EXOC4: variants seen among roughly 807,000 people sequenced by gnomAD.
EXOC4 encodes exocyst complex component 4, also known as SEC8-like 1.
A neutral mutation model predicts 107.2 loss-of-function variants in EXOC4; 71 were observed. The observed-to-expected ratio is 0.66, with a 90% CI of 0.55 to 0.81. The LOEUF (loss-of-function observed/expected upper bound fraction) is 0.81. Ranked by LOEUF, EXOC4 falls within the 30% of genes least tolerant of loss-of-function variation. The pLI, the probability that EXOC4 is intolerant of heterozygous loss-of-function variation, is 0.00. For synonymous variants in EXOC4, 456 were observed against 441.2 expected (o/e 1.03, Z -0.42); for missense variants, 1,108 against 1,189.6 (o/e 0.93, Z 1.01).
chr7:133,583,667 GA>G (rs1288053180), intron 9 of EXOC4, among the ~76,000 whole-genome samples: 3 of 152,082 alleles, frequency 2.0e-5, no homozygotes, highest in Admixed American at 1.3e-4. Context: ...ATGTCTAGGA[GA>G]AAAAAAAGTG....
intron 11 of EXOC4, among the ~76,000 whole-genome samples, chr7:133,887,282 C>T (rs1169417572): frequency 2.0e-5 from 3 of 152,138 alleles, no homozygotes; most frequent in Admixed American, 1.3e-4. Context: ...TAAAATCCCT[C>T]ATATATATGA....
At chr7:133,484,407 T>G (rs1584952317) in intron 9 of EXOC4, among the ~76,000 whole-genome samples, 1 of 152,222 alleles carries the variant, frequency 6.6e-6, no homozygotes, top group East Asian at 1.9e-4. Context: ...CGCTTCATTG[T>G]ACTTAGCAGT....
chr7:133,724,563 T>C (rs762707766), intron 10 of EXOC4, among the ~76,000 whole-genome samples: 2 of 152,224 alleles, frequency 1.3e-5, no homozygotes, highest in African/African-American at 2.4e-5. Flanking sequence ...ATTTTGTTCT[T>C]TTGGAACTTG....
chr7:134,044,121 G>C (rs1019128142), intron 17 of EXOC4, among the ~76,000 whole-genome samples: 1 of 152,190 alleles, frequency 6.6e-6, no homozygotes, highest in African/African-American at 2.4e-5. Context: ...GTGGAGAAGA[G>C]CTCAAAGGAG....
At chr7:133,696,867 A>T (rs1439045967) in intron 10 of EXOC4, among the ~76,000 whole-genome samples, 1 of 152,220 alleles carries the variant, frequency 6.6e-6, no homozygotes, top group Non-Finnish European at 1.5e-5. Context: ...TCCCTGGAAC[A>T]TTATTAGTGT....
intron 10 of EXOC4, among the ~76,000 whole-genome samples, chr7:133,646,850 A>G (rs1359280935): frequency 6.6e-6 from 1 of 152,154 alleles, no homozygotes; most frequent in Non-Finnish European, 1.5e-5. Context: ...ATATATTAGC[A>G]TATCCTAAGA....
chr7:133,388,856 A>T (rs982242848), intron 7 of EXOC4, among the ~76,000 whole-genome samples: 1 of 152,124 alleles, frequency 6.6e-6, no homozygotes, highest in Non-Finnish European at 1.5e-5. Context: ...TTTTATTTTT[A>T]TCCCTTGAAA....
chr7:133,400,649 C>A (rs1359894760), intron 7 of EXOC4, among the ~76,000 whole-genome samples: 1 of 152,186 alleles, frequency 6.6e-6, no homozygotes, highest in African/African-American at 2.4e-5. Context: ...AGCCACATCT[C>A]TTTGAAGAAG....
intron 11 of EXOC4, among the ~76,000 whole-genome samples, chr7:133,835,694 A>C (rs543611588): frequency 2.0e-5 from 3 of 152,210 alleles, no homozygotes; most frequent in Non-Finnish European, 4.4e-5. Context: ...TCCCTGGGTA[A>C]GTATATTTTT....
chr7:133,595,150 G>A (rs1489115927), intron 9 of EXOC4, among the ~76,000 whole-genome samples: 1 of 152,124 alleles, frequency 6.6e-6, no homozygotes. Flanking sequence ...TTTCCCCATC[G>A]AGGAAAGGAA....
intron 7 of EXOC4, among the ~76,000 whole-genome samples, chr7:133,458,325 C>T (rs569556541): frequency 6.6e-6 from 1 of 152,318 alleles, no homozygotes; most frequent in East Asian, 1.9e-4. Flanking sequence ...GTGAAGTGCA[C>T]TCCAAAGACA....
chr7:133,421,405 G>A (rs1422218398), intron 7 of EXOC4, among the ~76,000 whole-genome samples: 1 of 152,200 alleles, frequency 6.6e-6, no homozygotes, highest in Non-Finnish European at 1.5e-5. Context: ...AATGATGACA[G>A]TTTAGTCCTT....
chr7:134,073,643 A>T, the EXOC4 span, among the ~76,000 whole-genome samples: 1 of 151,680 alleles, frequency 6.6e-6, no homozygotes, highest in African/African-American at 2.4e-5. Flanking sequence ...TATGAAATTG[A>T]GGTGAGAAAA....
In EXOC4 at chr7:133,359,955, C is replaced by T. The variant is rs1796102013; in HGVS notation, c.1007+3382C>T. Among the ~76,000 whole-genome samples, 6 of 152,188 alleles carry T rather than the reference C, an allele frequency of 3.9e-5. No homozygotes were observed. The South Asian group carries it at 8.3e-4, about 21-fold the overall frequency. On this transcript the variant is annotated intron_variant, in intron 6 of 17. Coordinates refer to ENST00000253861, the MANE Select transcript of EXOC4 (RefSeq NM_021807.4). ...CTGTTCATTCATAATCTATCAGTGTCTTTAAGCCTCCACTTACTATTAAAT... is the reference window on the plus strand; with the variant it reads ...CTGTTCATTCATAATCTATCAGTGTTTTTAAGCCTCCACTTACTATTAAAT...
intron 14 of EXOC4, among the ~76,000 whole-genome samples, chr7:133,955,207 G>A (rs1800785550): frequency 6.6e-6 from 1 of 152,244 alleles, no homozygotes. Context: ...ACATGTTCAA[G>A]TGTTGTGTGA....
chr7:133,320,953 C>G (rs931317300), intron 5 of EXOC4, among the ~76,000 whole-genome samples: 1 of 152,120 alleles, frequency 6.6e-6, no homozygotes, highest in Non-Finnish European at 1.5e-5. Context: ...TCCTAAGAGT[C>G]TATTTGTGAA....
chr7:133,384,633 A>G (rs909996936), intron 7 of EXOC4, among the ~76,000 whole-genome samples: 1 of 151,886 alleles, frequency 6.6e-6, no homozygotes, highest in Admixed American at 6.6e-5. Context: ...AGCTACTGGC[A>G]TGACCTTCAC....
At chr7:133,945,813 A>T (rs750725652) in intron 14 of EXOC4, among the ~76,000 whole-genome samples, 3 of 152,196 alleles carry the variant, frequency 2.0e-5, no homozygotes, top group Non-Finnish European at 4.4e-5. Context: ...AGAGCTCACT[A>T]TCATGGACTC....
At chr7:133,624,107 A>G (rs940521687) in intron 9 of EXOC4, among the ~76,000 whole-genome samples, 1 of 152,172 alleles carries the variant, frequency 6.6e-6, no homozygotes, top group Non-Finnish European at 1.5e-5. Context: ...CTATAAAAGA[A>G]TTCACCTTCA....
Sources: allele counts gnomAD v4.1 joint callset (sites outside exome capture counted in the v4.1 genomes callset), GRCh38; gene constraint gnomAD v4.1.1; transcripts MANE v1.5; gene names NCBI Gene and HGNC (gene_info 2026-07-23, HGNC 2026-07-21).